SP1: variants seen among roughly 807,000 people sequenced by gnomAD.
SP1 encodes the protein transcription factor Sp1.
In SP1, 6 loss-of-function variants were observed where a neutral mutation model predicts 66.3. The observed-to-expected ratio is 0.09, with a 90% CI of 0.05 to 0.18. The LOEUF is 0.18. SP1 is among the 10% of genes least tolerant of loss of function. SP1 has a pLI of 1.00. For synonymous variants in SP1, 417 were observed against 360.8 expected, an observed-to-expected ratio of 1.16 and a Z score of -1.77; for missense variants, 848 against 964.5, an observed-to-expected ratio of 0.88 and a Z score of 1.60.
At chr12:53,405,818 A>G (rs1454911008) in intron 3 of SP1, among the ~76,000 whole-genome samples, 1 of 152,060 alleles carries the variant, frequency 6.6e-6, no homozygotes, top group Non-Finnish European at 1.5e-5. Flanking sequence ...TAGGTGAAAA[A>G]TTACAAATGC....
intron 3 of SP1, among the ~76,000 whole-genome samples, chr12:53,384,631 G>A (rs981080256): frequency 6.6e-6 from 1 of 152,248 alleles, no homozygotes; most frequent in South Asian, 2.1e-4. Flanking sequence ...CTTTAAAAAT[G>A]TAAAACCATT....
At chr12:53,387,100 C>T (rs957302959) in intron 3 of SP1, among the ~76,000 whole-genome samples, 2 of 151,758 alleles carry the variant, frequency 1.3e-5, no homozygotes, top group Non-Finnish European at 1.5e-5. Flanking sequence ...ACAGGCACGT[C>T]CCACCATGCC....
chr12:53,392,623 C>T (rs1938380929), intron 3 of SP1, among the ~76,000 whole-genome samples: 1 of 151,834 alleles, frequency 6.6e-6, no homozygotes, highest in African/African-American at 2.4e-5. Context: ...TCCCAAAGTG[C>T]TGGGATTACA....
intron 5 of SP1, among the ~76,000 whole-genome samples, chr12:53,410,036 G>A (rs1466111251): frequency 6.6e-6 from 1 of 151,408 alleles, no homozygotes; most frequent in Non-Finnish European, 1.5e-5. Context: ...GCCAGGTGTC[G>A]TGGCTCATGC....
chr12:53,383,653 G>T, intron 3 of SP1, 31 bp downstream of exon 3: 2 of 1,547,658 alleles, frequency 1.3e-6, no homozygotes, highest in African/African-American at 2.7e-5. Flanking sequence ...CATTTATTGG[G>T]AACCAACTCT....
rs68013460 is a variant in SP1, at chr12:53,394,583, C to CTTT, written c.1675+10971_1675+10973dup. Among the ~76,000 whole-genome samples the CTTT allele has an allele frequency of 3.3e-4, 19 of 58,020 alleles. 1 individual carries two copies. The highest frequency in any genetic ancestry group is 5.9e-4 in the South Asian group (1 of 1,704). The allele number at this position is 58,020 out of a possible 152,430, so 38.1% of individuals were successfully genotyped here. ...GTGCTGCGTGGTCTTTTCTTTTCTT[C>CTTT]TTTTTTTTTTTTGGAGATAAGGTCT... On this transcript the variant is annotated intron_variant, in intron 3 of 5. Transcript: ENST00000327443.
intron 3 of SP1, among the ~76,000 whole-genome samples, chr12:53,404,951 A>G (rs1938698697): frequency 6.6e-6 from 1 of 152,108 alleles, no homozygotes; most frequent in Non-Finnish European, 1.5e-5. Flanking sequence ...TTCCTGTCTC[A>G]GCCTCCCGAA....
In SP1 at chr12:53,382,496, T is replaced by A. The variant is rs1278320302; in HGVS notation, c.549T>A (p.Asp183Glu). The A allele has an allele frequency of 6.2e-7, 1 of 1,614,172 alleles. No homozygotes were observed. The highest frequency in any genetic ancestry group is 1.1e-5 in the South Asian group (1 of 91,084). ...YQVIPQFQTV[D>E]GQQLQFAATG... ...TAATCCCACAGTTCCAGACCGTTGA[T>A]GGGCAACAGCTGCAGTTTGCTGCCA... Residue 183 changes from aspartate (D) to glutamate (E), a missense_variant, in exon 3 of 6, where the codon GAT becomes GAA. By Grantham distance (45) the Asp-to-Glu change is conservative. This residue lies in a region of SP1 where 606 missense variants were observed against 589.9 expected (regional missense o/e 1.03). Coordinates refer to ENST00000327443, the MANE Select transcript of SP1 (RefSeq NM_138473.3).
At position 53,406,607 on chromosome 12, in the gene SP1, T is replaced by A. The variant is rs769320858; in HGVS notation, c.1698T>A (p.Gly566=). Reference sequence around the variant, plus strand: ...CAGGTGATCATGGAGCTCAGCTTGGTCTCCATGGGGCTGGTGGTGATGGAA... The same window carrying A: ...CAGGTGATCATGGAGCTCAGCTTGGACTCCATGGGGCTGGTGGTGATGGAA... The part of the protein sequence containing the change: ...NAPGDHGAQL[G]LHGAGGDGIH... The change falls in exon 4 of 6, where the codon GGT becomes GGA. Residue 566 remains glycine, a synonymous_variant. Transcript: ENST00000327443. The A allele has an allele frequency of 5.0e-6, 8 of 1,613,778 alleles. No homozygotes were observed. The highest frequency in any genetic ancestry group is 5.9e-6 in the Non-Finnish European group (7 of 1,179,948).
At chr12:53,388,649 T>C (rs1938280302) in intron 3 of SP1, among the ~76,000 whole-genome samples, 3 of 152,152 alleles carry the variant, frequency 2.0e-5, no homozygotes, top group Non-Finnish European at 4.4e-5. Flanking sequence ...CCTAGAGGCT[T>C]ACTCCTTTTT....
chr12:53,400,208 C>T (rs941361702), intron 3 of SP1, among the ~76,000 whole-genome samples: 1 of 152,232 alleles, frequency 6.6e-6, no homozygotes, highest in Non-Finnish European at 1.5e-5. Context: ...AATGTATGTA[C>T]TTTTCACCTC....
chr12:53,387,585 G>C (rs1159580681), intron 3 of SP1, among the ~76,000 whole-genome samples: 1 of 152,174 alleles, frequency 6.6e-6, no homozygotes, highest in Non-Finnish European at 1.5e-5. Flanking sequence ...AGGAAATTGA[G>C]GTACAGAGAA....
Position 53,382,515 on chromosome 12 carries a change from G to C in SP1, c.568G>C (p.Ala190Pro), listed in dbSNP as rs1464841650. 1.2e-6 allele frequency: 2 copies of C among 1,614,172 alleles called. No homozygotes were observed. Among genetic ancestry groups the C allele is most frequent in the Non-Finnish European group, 1.7e-6 (2 of 1,180,024 alleles). ...QTVDGQQLQF[A>P]ATGAQVQQDG... ...CGTTGATGGGCAACAGCTGCAGTTT[G>C]CTGCCACTGGGGCCCAAGTGCAGCA... Residue 190 changes from alanine (A) to proline (P), a missense_variant, in exon 3 of 6, where the codon GCT (alanine) becomes CCT (proline). By Grantham distance (27) the Ala-to-Pro change is conservative (BLOSUM62 -1). Transcript: ENST00000327443.
intron 1 of SP1, 24 bp from the exon 2 acceptor site, chr12:53,381,635 T>C (rs1434240368): frequency 6.3e-7 from 1 of 1,583,760 alleles, no homozygotes; most frequent in South Asian, 1.1e-5. Flanking sequence ...CAAGTTTACG[T>C]TGTTTGTTTT....
At chr12:53,394,202 C>G (rs1337243168) in intron 3 of SP1, among the ~76,000 whole-genome samples, 1 of 149,080 alleles carries the variant, frequency 6.7e-6, no homozygotes, top group Admixed American at 6.8e-5. Context: ...GCAACAAGAC[C>G]GAAACTCCGT....
intron 3 of SP1, among the ~76,000 whole-genome samples, chr12:53,396,172 TC>T (rs1938484696): frequency 1.3e-5 from 2 of 150,840 alleles, no homozygotes; most frequent in Non-Finnish European, 2.9e-5. Context: ...TCCCAGCTAC[TC>T]AGGACGCTGA....
chr12:53,384,737 G>A (rs1261698094), intron 3 of SP1, among the ~76,000 whole-genome samples: 1 of 150,742 alleles, frequency 6.6e-6, no homozygotes, highest in African/African-American at 2.4e-5. Context: ...CTGTAATGCA[G>A]GCACTGAGAA....
At chr12:53,390,817 G>A (rs953702151) in intron 3 of SP1, among the ~76,000 whole-genome samples, 3 of 152,016 alleles carry the variant, frequency 2.0e-5, no homozygotes, top group African/African-American at 7.2e-5. Context: ...GTTAAATCAC[G>A]TTGCCTTGTG....
At chr12:53,393,690 T>G (rs1938407097) in intron 3 of SP1, among the ~76,000 whole-genome samples, 1 of 150,346 alleles carries the variant, frequency 6.7e-6, no homozygotes, top group East Asian at 2.0e-4. Flanking sequence ...ATCCGCCTCC[T>G]GGGTTCAAGC....
Sources: gnomAD v4.1 joint callset for allele counts (sites outside exome capture counted in the v4.1 genomes callset) on GRCh38, gnomAD v4.1.1 for gene constraint, gnomAD v4.1.1 regional missense constraint, MANE v1.5 for transcripts, NCBI Gene and HGNC (gene_info 2026-07-23, HGNC 2026-07-21) for gene names.